ACYP2: variants seen among roughly 807,000 people sequenced by gnomAD.
ACYP2 encodes acylphosphatase 2, also known as acylphosphatase-2.
Under a neutral mutation model 11.2 loss-of-function variants are expected in ACYP2, and 12 were observed. The observed-to-expected ratio is 1.08, with a 90% CI of 0.69 to 1.74. ACYP2 has a LOEUF of 1.74. Ranked by LOEUF, ACYP2 falls within the 40% of genes most tolerant of loss-of-function variation. The pLI, the probability that ACYP2 is intolerant of heterozygous loss-of-function variation, is 0.00. For synonymous variants in ACYP2, 43 were observed against 32.2 expected (o/e 1.33, Z -1.13); for missense variants, 134 against 101.9 (o/e 1.31, Z -1.35).
intron 4 of ACYP2, among the ~76,000 whole-genome samples, chr2:54,125,031 G>T (rs1234334452): frequency 2.6e-5 from 4 of 152,024 alleles, no homozygotes; most frequent in Non-Finnish European, 5.9e-5. Context: ...GGGATTACAG[G>T]CATGAGCCAC....
intron 4 of ACYP2, among the ~76,000 whole-genome samples, chr2:54,121,745 G>A (rs1164845462): frequency 6.6e-6 from 1 of 152,192 alleles, no homozygotes; most frequent in African/African-American, 2.4e-5. Flanking sequence ...TATACTTTGT[G>A]TTTATCCTTT....
intron 2 of ACYP2, among the ~76,000 whole-genome samples, chr2:54,019,999 A>G (rs1293766543): frequency 1.3e-5 from 2 of 150,606 alleles, no homozygotes; most frequent in South Asian, 2.1e-4. Context: ...CTGGAGTACA[A>G]TGGTGCAATC....
chr2:54,303,384 G>T (rs1689801591), intron 6 of ACYP2, among the ~76,000 whole-genome samples: 1 of 151,062 alleles, frequency 6.6e-6, no homozygotes, highest in South Asian at 2.1e-4. Context: ...AGTTGTTAGT[G>T]CTTAATAAAT....
intron 2 of ACYP2, among the ~76,000 whole-genome samples, chr2:53,999,670 A>C (rs1272532870): frequency 2.6e-5 from 4 of 152,190 alleles, no homozygotes; most frequent in African/African-American, 9.7e-5. Flanking sequence ...AAGAAACTTC[A>C]AATCTGAAAA....
chr2:54,115,752 G>T (rs749807920), intron 4 of ACYP2: 1 of 1,610,792 alleles, frequency 6.2e-7, no homozygotes, highest in Non-Finnish European at 8.5e-7. Flanking sequence ...TCGGAAGAGT[G>T]CAGGGTAGGA....
chr2:54,249,645 TA>T (rs982480263), intron 6 of ACYP2, among the ~76,000 whole-genome samples: 10 of 151,898 alleles, frequency 6.6e-5, no homozygotes, highest in Non-Finnish European at 1.3e-4. Context: ...CAAAACTTAC[TA>T]AAAAGACAAA....
At chr2:54,117,754 C>CT (rs961870303) in intron 4 of ACYP2, among the ~76,000 whole-genome samples, 2 of 152,196 alleles carry the variant, frequency 1.3e-5, no homozygotes, top group Non-Finnish European at 2.9e-5. Context: ...GTAAAGAGAT[C>CT]TTTTTTTAAT....
chr2:54,069,618 C>CT (rs1676922633), intron 4 of ACYP2, among the ~76,000 whole-genome samples: 1 of 151,854 alleles, frequency 6.6e-6, no homozygotes, highest in Non-Finnish European at 1.5e-5. Flanking sequence ...GCCAAGATTG[C>CT]GCCACTGCAC....
chr2:54,257,999 ATATT>A (rs977036097), intron 6 of ACYP2, among the ~76,000 whole-genome samples: 3 of 152,180 alleles, frequency 2.0e-5, no homozygotes, highest in African/African-American at 4.8e-5. Flanking sequence ...CATTCAACAA[ATATT>A]TATTAAACAT....
intron 6 of ACYP2, among the ~76,000 whole-genome samples, chr2:54,269,229 T>TGAGCCAC (rs1421770740): frequency 6.6e-6 from 1 of 152,212 alleles, no homozygotes. Context: ...ATTACAGGCA[T>TGAGCCAC]GAGCCACTGT....
In ACYP2 at chr2:53,992,825, C is replaced by T. The variant is rs148967215; in HGVS notation, c.62+19015C>T. ...CAGCCTAGGCGACATAGTGAAACTCCATCTCAAAAAAAAAAAAAAAAAGTT... is the reference window on the plus strand; with the variant it reads ...CAGCCTAGGCGACATAGTGAAACTCTATCTCAAAAAAAAAAAAAAAAAGTT... On this transcript the variant is annotated intron_variant, in intron 2 of 6. Coordinates refer to ENST00000607452, the MANE Select transcript of ACYP2 (RefSeq NM_001320586.2). 8.0e-3 allele frequency among the ~76,000 whole-genome samples: 1,001 copies of T among 125,628 alleles called. 15 individuals are homozygous for T. The highest frequency in any genetic ancestry group is 0.027 in the African/African-American group (941 of 34,314). 82.4% of individuals were successfully genotyped at this position (125,628 alleles called of 152,430 possible). A position where few individuals can be genotyped will look rare whatever the true frequency, so the allele number is the denominator to read the frequency against.
At chr2:54,212,907 CTT>C (rs34494353) in intron 6 of ACYP2, among the ~76,000 whole-genome samples, 15 of 140,790 alleles carry the variant, frequency 1.1e-4, no homozygotes, top group Non-Finnish European at 7.8e-5. Flanking sequence ...TGCCACTTTA[CTT>C]TTTTTTTTTT....
At chr2:54,222,805 T>A (rs1306310138) in intron 6 of ACYP2, among the ~76,000 whole-genome samples, 1 of 152,172 alleles carries the variant, frequency 6.6e-6, no homozygotes, top group Non-Finnish European at 1.5e-5. Context: ...CACCTTGATT[T>A]GCCATGTCAG....
At chr2:54,242,104 A>C (rs1686754596) in intron 6 of ACYP2, among the ~76,000 whole-genome samples, 1 of 152,238 alleles carries the variant, frequency 6.6e-6, no homozygotes, top group Non-Finnish European at 1.5e-5. Context: ...AGACGCTATG[A>C]CTATATTGCA....
intron 2 of ACYP2, among the ~76,000 whole-genome samples, chr2:54,003,299 G>A (rs541494753): frequency 4.0e-4 from 60 of 151,326 alleles, no homozygotes; most frequent in African/African-American, 1.5e-3. Context: ...CACTCTTGTT[G>A]CCCAGGCTGG....
At chr2:54,266,800 G>T (rs1380319561) in intron 6 of ACYP2, among the ~76,000 whole-genome samples, 1 of 151,130 alleles carries the variant, frequency 6.6e-6, no homozygotes, top group African/African-American at 2.4e-5. Context: ...TAGTACAGAC[G>T]GGGTTTCACC....
chr2:54,224,981 G>C (rs1200145254), intron 6 of ACYP2, among the ~76,000 whole-genome samples: 1 of 152,198 alleles, frequency 6.6e-6, no homozygotes, highest in African/African-American at 2.4e-5. Context: ...CAGCAGTATG[G>C]CTGGAAATGA....
chr2:54,284,760 C>T (rs72910631), intron 6 of ACYP2, among the ~76,000 whole-genome samples: 17,129 of 152,080 alleles, frequency 0.11, 1,309 homozygotes, highest in African/African-American at 0.21. Flanking sequence ...TCTCTTCATT[C>T]CCTCCCAGCA....
chr2:54,044,675 G>T (rs1675422906), intron 2 of ACYP2, among the ~76,000 whole-genome samples: 1 of 152,072 alleles, frequency 6.6e-6, no homozygotes, highest in African/African-American at 2.4e-5. Flanking sequence ...AGGATATGAG[G>T]CCTTTTCCCA....
Sources: allele counts gnomAD v4.1 joint callset (sites outside exome capture counted in the v4.1 genomes callset), GRCh38; gene constraint gnomAD v4.1.1; transcripts MANE v1.5; gene names NCBI Gene and HGNC (gene_info 2026-07-23, HGNC 2026-07-21).